APOL5: variants seen among roughly 807,000 people sequenced by gnomAD.
APOL5 encodes apolipoprotein L, 5.
APOL5 carries 29 observed loss-of-function variants against 35.5 expected under a neutral mutation model. The observed-to-expected ratio is 0.82, with a 90% confidence interval of 0.61 to 1.11. The LOEUF (loss-of-function observed/expected upper bound fraction) is 1.11, where lower values mean the gene tolerates loss of function less well. Ranked by LOEUF, APOL5 falls within the 50% of genes most tolerant of loss-of-function variation. The probability of loss-of-function intolerance (pLI) is 0.00; values close to 1 mark genes in which losing one functional copy is unlikely to be tolerated. For missense variants in APOL5, 514 were observed against 530.4 expected (o/e 0.97, Z 0.30); for synonymous variants, 188 against 200.2 (o/e 0.94, Z 0.51).
At chr22:35,720,532 C>T in intron 1 of APOL5, 36 bp from the exon 2 acceptor site, 1 of 1,602,548 alleles carries the variant, frequency 6.2e-7, no homozygotes, top group Non-Finnish European at 8.5e-7. Flanking sequence ...TGAGATGACT[C>T]AAGAAGAAAT....
In APOL5 at chr22:35,728,714, G is replaced by C. The variant is rs1157488174; in HGVS notation, c.1127-9G>C. ...GAAGTTGTAAGACACAGGGACTCAT[G>C]TTCCACAGGGTCTCGCTCACCTCTC... On this transcript the variant is annotated splice_polypyrimidine_tract_variant and intron_variant, in intron 3 of 4. Coordinates refer to ENST00000249044, the MANE Select transcript of APOL5 (RefSeq NM_030642.1). 1.2e-6 allele frequency: 2 copies of C among 1,609,776 alleles called. No individual in the cohort carries two copies. The highest frequency in any genetic ancestry group is 2.7e-5 in the African/African-American group (2 of 74,726).
upstream of APOL5, among the ~76,000 whole-genome samples, chr22:35,714,537 A>G (rs1433851098): frequency 6.6e-6 from 1 of 152,120 alleles, no homozygotes; most frequent in African/African-American, 2.4e-5. Flanking sequence ...GAAAAGGACA[A>G]TGCCTCGTTT....
chr22:35,727,944 C>A (rs1005472436), intron 3 of APOL5, among the ~76,000 whole-genome samples: 3 of 152,184 alleles, frequency 2.0e-5, no homozygotes, highest in Non-Finnish European at 4.4e-5. Context: ...TAGAATGACG[C>A]GGTAGCAAGG....
intron 2 of APOL5, among the ~76,000 whole-genome samples, chr22:35,721,511 A>T (rs1601896397): frequency 6.6e-6 from 1 of 151,476 alleles, no homozygotes; most frequent in South Asian, 2.1e-4. Flanking sequence ...CCACTACTGC[A>T]CTCTAGCCTG....
upstream of APOL5, among the ~76,000 whole-genome samples, chr22:35,714,047 C>G (rs1019397371): frequency 6.6e-6 from 1 of 152,150 alleles, no homozygotes; most frequent in East Asian, 1.9e-4. Context: ...CGCGGTGGCT[C>G]AAGCCTGTAA....
the APOL5 span, among the ~76,000 whole-genome samples, chr22:35,710,144 A>T: frequency 1.1e-5 from 1 of 87,202 alleles, no homozygotes; most frequent in Admixed American, 1.7e-4. Context: ...TTTTTTTGAG[A>T]CAGAGTCTTG....
intron 4 of APOL5, 92 bp downstream of exon 4, chr22:35,728,996 G>C (rs13054309): frequency 5.8e-6 from 8 of 1,370,982 alleles, no homozygotes; most frequent in Non-Finnish European, 7.7e-6. Context: ...GAAAGAGAGG[G>C]AGGGCCTAAC....
chr22:35,715,983 TAAGAA>T (rs1926731980), upstream of APOL5, among the ~76,000 whole-genome samples: 1 of 152,146 alleles, frequency 6.6e-6, no homozygotes, highest in Non-Finnish European at 1.5e-5. Flanking sequence ...TGAATAACAT[TAAGAA>T]AAGTATCAAA....
At chr22:35,710,978 C>A in the APOL5 span, among the ~76,000 whole-genome samples, 1 of 152,204 alleles carries the variant, frequency 6.6e-6, no homozygotes. Flanking sequence ...GCCAGACTGG[C>A]CAACGTGGTG....
intron 2 of APOL5, among the ~76,000 whole-genome samples, chr22:35,724,678 G>C (rs1038681440): frequency 1.3e-5 from 2 of 151,756 alleles, no homozygotes; most frequent in Non-Finnish European, 2.9e-5. Context: ...GCGCGATCTC[G>C]GCTCACTGCA....
chr22:35,727,125 A>C lies in APOL5; in HGVS notation c.1057A>C (p.Lys353Gln), dbSNP rs1218670717. The C allele has an allele frequency of 1.2e-6, 2 of 1,610,540 alleles. No individual in the cohort carries two copies. Among genetic ancestry groups the C allele is most frequent in the Non-Finnish European group, 1.7e-6 (2 of 1,180,030 alleles). ...LTQHHRHLPQ[K>Q]ASQTCSSSRG... ...CCAGCACCACCGGCACCTGCCGCAGAAGGCGAGCCAGACCTGTTCCAGCTC... is the reference window on the plus strand; with the variant it reads ...CCAGCACCACCGGCACCTGCCGCAGCAGGCGAGCCAGACCTGTTCCAGCTC... The change falls in exon 3 of 5, where the codon AAG (lysine) becomes CAG (glutamine). Residue 353 changes from lysine to glutamine, a missense_variant. By Grantham distance (53) the Lys-to-Gln change is moderately conservative (BLOSUM62 1). Around this residue, in one of 3 missense-constraint regions of APOL5, gnomAD observed 238 missense variants for 229.1 expected, o/e 1.04. Coordinates refer to ENST00000249044, the MANE Select transcript of APOL5 (RefSeq NM_030642.1).
upstream of APOL5, among the ~76,000 whole-genome samples, chr22:35,714,418 T>C (rs1540297): frequency 0.42 from 63,700 of 152,150 alleles, 14,354 homozygotes; most frequent in African/African-American, 0.58. Context: ...GTTGTGTGGT[T>C]GAGAATTCCA....
Position 35,726,938 on chromosome 22 carries a change from T to C in APOL5, c.870T>C (p.Gly290=), listed in dbSNP as rs574575741. 2 of 1,614,132 alleles carry C rather than the reference T, an allele frequency of 1.2e-6. No individual in the cohort carries two copies. Among genetic ancestry groups the C allele is most frequent in the South Asian group, 1.1e-5 (1 of 91,076 alleles). The change falls in exon 3 of 5, where the codon GGT becomes GGC. Residue 290 remains glycine (G), a synonymous_variant. Coordinates refer to ENST00000249044, the MANE Select transcript of APOL5 (RefSeq NM_030642.1). ...GCACAACTCTGGCCATGACCAATGGTGCCTGGGTGATGGGTGCTGCTGGGG... is the reference window on the plus strand; with the variant it reads ...GCACAACTCTGGCCATGACCAATGGCGCCTGGGTGATGGGTGCTGCTGGGG... ...FEGTTLAMTN[G]AWVMGAAGAG... is the part of the protein sequence containing the mutation.
chr22:35,709,336 A>G, the APOL5 span, among the ~76,000 whole-genome samples: 3 of 151,968 alleles, frequency 2.0e-5, no homozygotes, highest in South Asian at 6.3e-4. Flanking sequence ...TGCCAAAAAA[A>G]TCATACTAAG....
At chr22:35,721,851 T>G (rs537601955) in intron 2 of APOL5, among the ~76,000 whole-genome samples, 34 of 152,146 alleles carry the variant, frequency 2.2e-4, no homozygotes, top group African/African-American at 7.7e-4. Flanking sequence ...GAGGTTGCAC[T>G]TAACTCTTGC....
At chr22:35,728,538 T>C (rs1927257270) in intron 3 of APOL5, among the ~76,000 whole-genome samples, 185 bp from the exon 4 acceptor site, 2 of 152,200 alleles carry the variant, frequency 1.3e-5, no homozygotes, top group Admixed American at 1.3e-4. Context: ...TAGACATTTT[T>C]AAAGATCTCC....
At chr22:35,713,616 T>G (rs1233460045), upstream of APOL5, among the ~76,000 whole-genome samples, 1 of 152,330 alleles carries the variant, frequency 6.6e-6, no homozygotes, top group African/African-American at 2.4e-5. Flanking sequence ...GGGGTCGGTT[T>G]TCTTCTTTAG....
At chr22:35,713,939 C>T (rs1358799162), upstream of APOL5, among the ~76,000 whole-genome samples, 1 of 152,176 alleles carries the variant, frequency 6.6e-6, no homozygotes, top group Non-Finnish European at 1.5e-5. Flanking sequence ...CAATTAGAGA[C>T]CTCTCATCCT....
rs189039944 is a variant in APOL5, at chr22:35,727,988, G to A, written c.1127-735G>A. ...TGAAACCCGGGAAAAGGACACATAA[G>A]TGTTTGCCGAAGATGTGAAGGCTCA... On this transcript the variant is annotated intron_variant, in intron 3 of 4. Coordinates refer to ENST00000249044, the MANE Select transcript of APOL5 (RefSeq NM_030642.1). Among the ~76,000 whole-genome samples the A allele has an allele frequency of 2.1e-3, 318 of 152,382 alleles. 1 individual carries two copies. The highest frequency in any genetic ancestry group is 4.0e-3 in the Admixed American group (61 of 15,312).
Sources: allele counts gnomAD v4.1 joint callset (sites outside exome capture counted in the v4.1 genomes callset), GRCh38; gene constraint gnomAD v4.1.1; regional missense constraint gnomAD v4.1.1; transcripts MANE v1.5; gene names NCBI Gene and HGNC (gene_info 2026-07-23, HGNC 2026-07-21).